Variants in ZFP1 observed in about 807,000 individuals in gnomAD.
ZFP1 encodes ZFP1 zinc finger protein.
A neutral mutation model predicts 38.5 loss-of-function variants in ZFP1; 32 were observed. The ratio of observed to expected loss-of-function variants is 0.83; its 90% CI spans 0.63 to 1.12. ZFP1 has a LOEUF of 1.12. ZFP1 is among the 50% of genes most tolerant of loss of function. ZFP1 has a pLI of 0.00. For missense variants in ZFP1, 616 were observed against 480.8 expected (o/e 1.28, Z -2.63); for synonymous variants, 245 against 168.8 (o/e 1.45, Z -3.50).
the ZFP1 span, among the ~76,000 whole-genome samples, chr16:75,130,601 G>C: frequency 1.3e-5 from 2 of 152,092 alleles, no homozygotes; most frequent in African/African-American, 4.8e-5. Context: ...TCCGTTTCAG[G>C]TTTTTGTATC....
At chr16:75,127,151 C>T in the ZFP1 span, among the ~76,000 whole-genome samples, 7 of 152,128 alleles carry the variant, frequency 4.6e-5, no homozygotes, top group Non-Finnish European at 7.4e-5. Flanking sequence ...CACGGATAAT[C>T]GTCTTGTTTT....
chr16:75,165,223 G>A (rs2038005039), intron 2 of ZFP1, among the ~76,000 whole-genome samples: 1 of 152,102 alleles, frequency 6.6e-6, no homozygotes, highest in African/African-American at 2.4e-5. Context: ...CATGTAGCCT[G>A]AAAAGGAAAA....
chr16:75,120,921 A>G, the ZFP1 span, among the ~76,000 whole-genome samples: 1 of 152,024 alleles, frequency 6.6e-6, no homozygotes, highest in Admixed American at 6.6e-5. Context: ...CACTGCACCC[A>G]GCCTACCCTT....
the ZFP1 span, among the ~76,000 whole-genome samples, chr16:75,131,746 C>G: frequency 1.3e-5 from 2 of 152,110 alleles, no homozygotes; most frequent in Admixed American, 1.3e-4. Flanking sequence ...GGTGGGTCAC[C>G]TGAGGTCAGG....
the ZFP1 span, among the ~76,000 whole-genome samples, chr16:75,138,771 C>G: frequency 6.6e-6 from 1 of 152,216 alleles, no homozygotes; most frequent in Non-Finnish European, 1.5e-5. Context: ...GCATGGCAGG[C>G]TGCCCCCTGC....
At chr16:75,142,003 G>A in the ZFP1 span, among the ~76,000 whole-genome samples, 4 of 149,628 alleles carry the variant, frequency 2.7e-5, no homozygotes, top group Admixed American at 6.7e-5. Context: ...GCCGTGAGCC[G>A]AGATCGCGCC....
the ZFP1 span, among the ~76,000 whole-genome samples, chr16:75,125,324 T>C: frequency 6.6e-6 from 1 of 152,122 alleles, no homozygotes; most frequent in African/African-American, 2.4e-5. Context: ...CTTTTGTTTG[T>C]TTGTTTGTTG....
chr16:75,122,941 A>C, the ZFP1 span, among the ~76,000 whole-genome samples: 1 of 152,248 alleles, frequency 6.6e-6, no homozygotes, highest in African/African-American at 2.4e-5. Context: ...TTTTATAAAT[A>C]ATCTAGGTAA....
intron 1 of ZFP1, 69 bp from the exon 2 acceptor site, chr16:75,152,840 A>T (rs1259853943): frequency 1.4e-6 from 2 of 1,446,564 alleles, no homozygotes; most frequent in African/African-American, 2.9e-5. Context: ...TTTCTAAACA[A>T]GTCATTCTAG....
Position 75,169,371 on chromosome 16 carries a change from A to G in ZFP1, c.261A>G (p.Gly87=), listed in dbSNP as rs117042670. ...TPIEERGDLF[G]KALNLNTDFV... ...TTGAGGAAAGAGGCGATCTCTTTGGAAAAGCACTTAATCTGAACACAGACT... is the reference window on the plus strand; with the variant it reads ...TTGAGGAAAGAGGCGATCTCTTTGGGAAAGCACTTAATCTGAACACAGACT... Residue 87 remains glycine, a synonymous_variant, in exon 4 of 4, where the codon GGA becomes GGG. Transcript: ENST00000570010. 4 of 1,614,058 alleles carry G rather than the reference A, an allele frequency of 2.5e-6. No homozygotes were observed. The highest frequency in any genetic ancestry group is 2.7e-5 in the African/African-American group (2 of 74,936).
chr16:75,167,162 T>C (rs6564215), intron 3 of ZFP1, among the ~76,000 whole-genome samples: 110,954 of 152,148 alleles, frequency 0.73, 43,520 homozygotes, highest in Non-Finnish European at 0.87. Context: ...AGAAGAGTTT[T>C]GGGTAGCATA....
intron 2 of ZFP1, among the ~76,000 whole-genome samples, chr16:75,165,165 C>T (rs558202109): frequency 2.6e-5 from 4 of 152,152 alleles, no homozygotes; most frequent in Admixed American, 2.0e-4. Flanking sequence ...TTGCCTATGC[C>T]TGTTTTTGTG....
At chr16:75,152,675 C>G (rs1399381394) in intron 1 of ZFP1, among the ~76,000 whole-genome samples, 2 of 152,112 alleles carry the variant, frequency 1.3e-5, no homozygotes, top group Non-Finnish European at 1.5e-5. Flanking sequence ...ATTGTTTTGC[C>G]TCTTTTGATA....
At chr16:75,168,512 G>C (rs2038224097) in intron 3 of ZFP1, among the ~76,000 whole-genome samples, 1 of 148,898 alleles carries the variant, frequency 6.7e-6, no homozygotes, top group Non-Finnish European at 1.5e-5. Flanking sequence ...GGATATGATA[G>C]TGAAAACATG....
intron 2 of ZFP1, among the ~76,000 whole-genome samples, chr16:75,160,656 CA>C (rs71158584): frequency 0.8 from 81,021 of 101,616 alleles, 31,250 homozygotes; most frequent in African/African-American, 0.85. Flanking sequence ...GAGACTGCCT[CA>C]AAAAAAAAAA....
the ZFP1 span, among the ~76,000 whole-genome samples, chr16:75,127,349 A>T: frequency 0.31 from 47,407 of 151,898 alleles, 7,579 homozygotes; most frequent in Non-Finnish European, 0.34. Flanking sequence ...TCCTGGGCTC[A>T]AGTGATTCTT....
At chr16:75,151,082 C>T (rs371150611) in intron 1 of ZFP1, among the ~76,000 whole-genome samples, 3 of 152,042 alleles carry the variant, frequency 2.0e-5, no homozygotes, top group African/African-American at 7.2e-5. Context: ...TGGTCTCAAA[C>T]CCCTGGGCTC....
In ZFP1 at chr16:75,169,662, C is replaced by A. The variant is rs770858664; in HGVS notation, c.552C>A (p.Phe184Leu). 3 of 1,606,626 alleles carry A rather than the reference C, an allele frequency of 1.9e-6. No homozygotes were observed. Among genetic ancestry groups the A allele is most frequent in the Admixed American group, 3.5e-5 (2 of 57,726 alleles). Residue 184 changes from phenylalanine (F) to leucine (L), a missense_variant, in exon 4 of 4, where the codon TTC becomes TTA. Coordinates refer to ENST00000570010, the MANE Select transcript of ZFP1 (RefSeq NM_153688.4). ...HQKIKNLVQP[F>L]ICTYCDKAFS... ...AAATAAAAAACTTGGTTCAACCTTTCATTTGTACTTACTGTGACAAGGCTT... is the reference window on the plus strand; with the variant it reads ...AAATAAAAAACTTGGTTCAACCTTTAATTTGTACTTACTGTGACAAGGCTT...
chr16:75,122,181 G>A, the ZFP1 span, among the ~76,000 whole-genome samples: 1 of 152,210 alleles, frequency 6.6e-6, no homozygotes, highest in African/African-American at 2.4e-5. Context: ...GACAGGGGAG[G>A]GGCAGGAGTT....
Sources: gnomAD v4.1 joint callset for allele counts (sites outside exome capture counted in the v4.1 genomes callset) on GRCh38, gnomAD v4.1.1 for gene constraint, MANE v1.5 for transcripts, NCBI Gene and HGNC (gene_info 2026-07-23, HGNC 2026-07-21) for gene names.